Variants in LYRM4 observed in about 807,000 individuals in gnomAD.
LYRM4 encodes the protein LYR motif containing 4.
LYRM4 carries 9 observed loss-of-function variants against 11.7 expected under a neutral mutation model. The observed-to-expected ratio is 0.77, with a 90% CI of 0.46 to 1.34. The LOEUF is 1.34. Among genes scored for constraint, LYRM4 ranks in the 40% most tolerant of loss-of-function variants. The pLI, the probability that LYRM4 is intolerant of heterozygous loss-of-function variation, is 0.00. For synonymous variants in LYRM4, 42 were observed against 40.4 expected (o/e 1.04, Z -0.15); for missense variants, 133 against 112.5 (o/e 1.18, Z -0.82).
chr6:5,157,376 G>T (rs2127648747), intron 2 of LYRM4, among the ~76,000 whole-genome samples: 1 of 152,270 alleles, frequency 6.6e-6, no homozygotes, highest in South Asian at 2.1e-4. Flanking sequence ...GCCAGGTTCG[G>T]ATTGTCGTTT....
At chr6:5,124,932 G>GT (rs1001336048) in intron 2 of LYRM4, among the ~76,000 whole-genome samples, 1 of 152,210 alleles carries the variant, frequency 6.6e-6, no homozygotes, top group Non-Finnish European at 1.5e-5. Context: ...TGGTTTCGGT[G>GT]TTTGTCTCTG....
At chr6:5,252,153 A>T (rs935422700) in intron 1 of LYRM4, among the ~76,000 whole-genome samples, 2 of 152,206 alleles carry the variant, frequency 1.3e-5, no homozygotes, top group African/African-American at 4.8e-5. Context: ...TTCACCTATA[A>T]GGAGGAACTG....
At chr6:5,061,307 A>G in the LYRM4 span, among the ~76,000 whole-genome samples, 5 of 152,192 alleles carry the variant, frequency 3.3e-5, no homozygotes, top group African/African-American at 9.7e-5. Context: ...CTGTCACACC[A>G]CGTGCAGAGG....
the LYRM4 span, among the ~76,000 whole-genome samples, chr6:5,055,006 G>T: frequency 1.3e-5 from 2 of 152,074 alleles, no homozygotes; most frequent in Admixed American, 6.6e-5. This position sits in a 1 kb window ranked among gnomAD's most constrained non-coding sequence, Gnocchi z 4.5. Flanking sequence ...ACACCTTTTA[G>T]GGTCAGACAA....
chr6:5,109,603 T>A, intron 2 of LYRM4, 112 bp from the exon 3 acceptor site: 2 of 1,113,490 alleles, frequency 1.8e-6, no homozygotes, highest in Non-Finnish European at 2.7e-6. Flanking sequence ...ATCCCAGGGC[T>A]GCTCCCTTCC....
the LYRM4 span, among the ~76,000 whole-genome samples, chr6:5,080,854 G>A: frequency 4.6e-5 from 7 of 152,224 alleles, no homozygotes; most frequent in East Asian, 1.4e-3. Context: ...TCCCAGCCCA[G>A]ACTCCAGACC....
chr6:5,044,728 A>G, the LYRM4 span, among the ~76,000 whole-genome samples: 1 of 152,160 alleles, frequency 6.6e-6, no homozygotes, highest in African/African-American at 2.4e-5. Flanking sequence ...GGATGACCCA[A>G]TCGCTTCTGA....
chr6:5,069,643 G>T, the LYRM4 span, among the ~76,000 whole-genome samples: 71 of 152,162 alleles, frequency 4.7e-4, 1 homozygote, highest in Non-Finnish European at 7.4e-5. Context: ...ACCACGCCTG[G>T]ATAATTTTTT....
chr6:5,210,748 T>C (rs1436021034), intron 2 of LYRM4, among the ~76,000 whole-genome samples: 1 of 152,208 alleles, frequency 6.6e-6, no homozygotes, highest in Non-Finnish European at 1.5e-5. Flanking sequence ...AGACACCTCA[T>C]ATAAATGGAA....
chr6:5,187,872 C>T (rs564428524), intron 2 of LYRM4, among the ~76,000 whole-genome samples: 1 of 151,714 alleles, frequency 6.6e-6, no homozygotes, highest in African/African-American at 2.4e-5. Flanking sequence ...ATGGTATAAT[C>T]TCATTTGTGT....
chr6:5,242,748 T>C (rs1763956974), intron 1 of LYRM4, among the ~76,000 whole-genome samples: 1 of 149,098 alleles, frequency 6.7e-6, no homozygotes, highest in South Asian at 2.1e-4. Context: ...ACAACATGAA[T>C]ATGACAGGAT....
chr6:5,099,777 G>A (rs1006818819), downstream of LYRM4, among the ~76,000 whole-genome samples: 1 of 152,112 alleles, frequency 6.6e-6, no homozygotes, highest in Non-Finnish European at 1.5e-5. The surrounding 1 kb of genome is among the most constrained non-coding windows in gnomAD (Gnocchi z 4.3). Flanking sequence ...GAAATTGACT[G>A]TCAGAAAGGT....
chr6:5,146,295 T>A (rs1026195235), intron 2 of LYRM4, among the ~76,000 whole-genome samples: 9 of 152,226 alleles, frequency 5.9e-5, no homozygotes, highest in Admixed American at 5.2e-4. Flanking sequence ...CTAAGGAGAC[T>A]AGACTTGACT....
At chr6:5,190,857 C>T (rs1383611999) in intron 2 of LYRM4, among the ~76,000 whole-genome samples, 2 of 152,084 alleles carry the variant, frequency 1.3e-5, no homozygotes, top group Non-Finnish European at 2.9e-5. Flanking sequence ...GAACCTGAGC[C>T]CGTGGCTTCA....
chr6:5,044,014 G>A, the LYRM4 span, among the ~76,000 whole-genome samples: 2 of 152,302 alleles, frequency 1.3e-5, no homozygotes, highest in Admixed American at 1.3e-4. Flanking sequence ...GTGGTGTGGT[G>A]CACACCTTCC....
chr6:5,238,919 TA>T (rs377425954), intron 1 of LYRM4, among the ~76,000 whole-genome samples: 25 of 152,352 alleles, frequency 1.6e-4, no homozygotes, highest in African/African-American at 4.6e-4. Flanking sequence ...GAAATCTACC[TA>T]GTCAAATTTT....
At chr6:5,063,625 C>T in the LYRM4 span, among the ~76,000 whole-genome samples, 1 of 152,188 alleles carries the variant, frequency 6.6e-6, no homozygotes, top group Admixed American at 6.5e-5. Context: ...TGAGCTTGGC[C>T]TGGAGTGATG....
chr6:5,124,393 T>G (rs1289250076), intron 2 of LYRM4, among the ~76,000 whole-genome samples: 2 of 152,206 alleles, frequency 1.3e-5, no homozygotes, highest in Non-Finnish European at 2.9e-5. Context: ...TACTTCCTAG[T>G]TTTTAGAAAA....
Position 5,109,412 on chromosome 6 carries a change from TC to T in LYRM4, c.*10del. ...GTCCCTGGCCGCCACTGGTGGCTGGTCCCCGGCTTGCTAGGTCCTGGGCATG... is the reference window on the plus strand; with the variant it reads ...GTCCCTGGCCGCCACTGGTGGCTGGTCCCGGCTTGCTAGGTCCTGGGCATG... On this transcript the variant is annotated 3_prime_UTR_variant, in exon 3 of 3. Coordinates refer to ENST00000330636, the MANE Select transcript of LYRM4 (RefSeq NM_020408.6). 6.2e-7 allele frequency: 1 copy of T among 1,613,960 alleles called. No individual in the cohort carries two copies. The highest frequency in any genetic ancestry group is 1.3e-5 in the African/African-American group (1 of 75,068).
Sources: gnomAD v4.1 joint callset for allele counts (sites outside exome capture counted in the v4.1 genomes callset) on GRCh38, gnomAD v4.1.1 for gene constraint, Gnocchi (gnomAD v3.1) non-coding constraint, MANE v1.5 for transcripts, NCBI Gene and HGNC (gene_info 2026-07-23, HGNC 2026-07-21) for gene names.